The following SAMD4A variants were observed in gnomAD, a reference collection of about 807,000 sequenced individuals.
SAMD4A encodes protein Smaug homolog 1.
A neutral mutation model predicts 81.3 loss-of-function variants in SAMD4A; 33 were observed. The ratio of observed to expected loss-of-function variants is 0.41; its 90% CI spans 0.31 to 0.54. SAMD4A has a LOEUF of 0.54. Ranked by LOEUF, SAMD4A falls within the 20% of genes least tolerant of loss-of-function variation. SAMD4A has a pLI of 0.37. For synonymous variants in SAMD4A, 389 were observed against 382.1 expected, an observed-to-expected ratio of 1.02 and a Z score of -0.21; for missense variants, 854 against 951.1, an observed-to-expected ratio of 0.90 and a Z score of 1.34.
chr14:54,578,186 C>G (rs1270027351), intron 2 of SAMD4A, among the ~76,000 whole-genome samples: 4 of 152,150 alleles, frequency 2.6e-5, no homozygotes, highest in African/African-American at 9.7e-5. Context: ...ACTCTGGCTT[C>G]GGAACCACCC....
At chr14:54,685,512 C>T (rs566883778) in intron 2 of SAMD4A, among the ~76,000 whole-genome samples, 3 of 152,332 alleles carry the variant, frequency 2.0e-5, no homozygotes, top group South Asian at 4.1e-4. Flanking sequence ...TGTTGATGGA[C>T]ATTTGGGTTG....
intron 2 of SAMD4A, among the ~76,000 whole-genome samples, chr14:54,656,453 T>A (rs1247174791): frequency 2.0e-5 from 3 of 152,196 alleles, no homozygotes; most frequent in African/African-American, 7.2e-5. Context: ...CCCCTTGAGT[T>A]TGAACTTTGA....
intron 2 of SAMD4A, among the ~76,000 whole-genome samples, chr14:54,605,354 T>C (rs1421664333): frequency 6.6e-6 from 1 of 152,208 alleles, no homozygotes; most frequent in African/African-American, 2.4e-5. Context: ...CAGTATTTCC[T>C]GGGTGCATGA....
chr14:54,684,404 C>T (rs1159540632), intron 2 of SAMD4A, among the ~76,000 whole-genome samples: 1 of 152,226 alleles, frequency 6.6e-6, no homozygotes, highest in Non-Finnish European at 1.5e-5. Context: ...CTGCCTCAAG[C>T]TTTCAAACCT....
rs369147725 is a variant in SAMD4A, at chr14:54,617,964, A to G, written c.196+49852A>G. Among the ~76,000 whole-genome samples, 7 of 152,366 alleles carry G rather than the reference A, an allele frequency of 4.6e-5. No individual in the cohort carries two copies. The East Asian group carries it at 1.3e-3, about 29-fold the overall frequency. ...TGCCTTTTAGGCCTGGCCCTGAGTTATTGGAGAAGATTAGTATGATATAAT... is the reference window on the plus strand; with the variant it reads ...TGCCTTTTAGGCCTGGCCCTGAGTTGTTGGAGAAGATTAGTATGATATAAT... On this transcript the variant is annotated intron_variant, in intron 2 of 12. Transcript: ENST00000554335.
intron 2 of SAMD4A, among the ~76,000 whole-genome samples, chr14:54,658,146 C>CA (rs1042185087): frequency 1.1e-4 from 16 of 151,956 alleles, no homozygotes; most frequent in African/African-American, 2.9e-4. Context: ...CCCGTCACCA[C>CA]AAAAAAATAT....
intron 3 of SAMD4A, among the ~76,000 whole-genome samples, chr14:54,713,062 G>A (rs1461336664): frequency 6.6e-6 from 1 of 152,086 alleles, no homozygotes; most frequent in Admixed American, 6.5e-5. Context: ...AACTATAGCT[G>A]TTCTACAAAC....
intron 2 of SAMD4A, among the ~76,000 whole-genome samples, chr14:54,662,732 A>G (rs2035671315): frequency 6.6e-6 from 1 of 151,802 alleles, no homozygotes; most frequent in South Asian, 2.1e-4. Context: ...ACACTTATTG[A>G]TGTCTTACAT....
intron 4 of SAMD4A, among the ~76,000 whole-genome samples, chr14:54,739,734 C>T (rs959261134): frequency 2.6e-5 from 4 of 152,160 alleles, no homozygotes; most frequent in South Asian, 2.1e-4. Context: ...AGGACTCTTC[C>T]GCCACCAGAT....
At chr14:54,618,574 T>G (rs1005606845) in intron 2 of SAMD4A, among the ~76,000 whole-genome samples, 1 of 152,184 alleles carries the variant, frequency 6.6e-6, no homozygotes, top group Admixed American at 6.5e-5. Flanking sequence ...AGAATTTAAG[T>G]CAAGTTTAGA....
At chr14:54,691,730 G>A (rs2236297) in intron 2 of SAMD4A, among the ~76,000 whole-genome samples, 36,907 of 152,182 alleles carry the variant, frequency 0.24, 5,474 homozygotes, top group Admixed American at 0.34. Context: ...CAGGAAGGGA[G>A]GTGTGCCTCT....
intron 2 of SAMD4A, among the ~76,000 whole-genome samples, chr14:54,674,834 A>G (rs1280692336): frequency 6.6e-6 from 1 of 152,154 alleles, no homozygotes; most frequent in East Asian, 1.9e-4. Flanking sequence ...AGCAGCCTCA[A>G]CCTCCTGGAA....
intron 2 of SAMD4A, among the ~76,000 whole-genome samples, chr14:54,690,385 C>T (rs1398618451): frequency 6.6e-6 from 1 of 152,016 alleles, no homozygotes; most frequent in Non-Finnish European, 1.5e-5. Flanking sequence ...ATTCAAACAG[C>T]CAGAGGTTAA....
chr14:54,581,098 T>G (rs2033452413), intron 2 of SAMD4A, among the ~76,000 whole-genome samples: 1 of 152,220 alleles, frequency 6.6e-6, no homozygotes, highest in South Asian at 2.1e-4. Flanking sequence ...TATGTTACCT[T>G]GTAAAAATTA....
intron 2 of SAMD4A, among the ~76,000 whole-genome samples, chr14:54,609,820 A>T (rs745587981): frequency 2.6e-5 from 4 of 152,236 alleles, no homozygotes; most frequent in South Asian, 2.1e-4. Flanking sequence ...TTGTTACAGT[A>T]TTAAAACTTG....
chr14:54,621,600 T>C (rs747329479), intron 2 of SAMD4A, among the ~76,000 whole-genome samples: 1 of 150,010 alleles, frequency 6.7e-6, no homozygotes, highest in Non-Finnish European at 1.5e-5. Flanking sequence ...GGGCTCAAGC[T>C]ATCCACCCGC....
At chr14:54,781,577 G>A (rs187460807) in intron 11 of SAMD4A, among the ~76,000 whole-genome samples, 13 of 152,228 alleles carry the variant, frequency 8.5e-5, no homozygotes, top group Admixed American at 7.8e-4. Flanking sequence ...CCTCCTTTGG[G>A]AAAGAGCAGA....
At chr14:54,699,143 T>A (rs1400550068) in intron 2 of SAMD4A, among the ~76,000 whole-genome samples, 1 of 152,216 alleles carries the variant, frequency 6.6e-6, no homozygotes, top group Non-Finnish European at 1.5e-5. Context: ...TCTTGGCCCC[T>A]TTTGCTTCTT....
chr14:54,566,280 C>T (rs1008286518), upstream of SAMD4A, among the ~76,000 whole-genome samples: 1 of 151,410 alleles, frequency 6.6e-6, no homozygotes, highest in East Asian at 1.9e-4. Context: ...CGCGCAAGGG[C>T]CCCCGAGCCG....
Sources: gnomAD v4.1 joint callset for allele counts (sites outside exome capture counted in the v4.1 genomes callset) on GRCh38, gnomAD v4.1.1 for gene constraint, MANE v1.5 for transcripts, NCBI Gene and HGNC (gene_info 2026-07-23, HGNC 2026-07-21) for gene names.